TFAP2D: variants seen among roughly 807,000 people sequenced by gnomAD.
The protein encoded by TFAP2D is transcription factor AP-2-delta.
In TFAP2D, 9 loss-of-function variants were observed where a neutral mutation model predicts 43.6. That is an observed-to-expected ratio of 0.21 (90% confidence interval 0.12 to 0.36). The LOEUF is 0.36. Among genes scored for constraint, TFAP2D ranks in the 10% least tolerant of loss-of-function variants. The pLI is 1.00. For missense variants in TFAP2D, 513 were observed against 561.4 expected (o/e 0.91, Z 0.87); for synonymous variants, 256 against 224.9 (o/e 1.14, Z -1.24).
At chr6:50,754,630 C>A (rs149784704) in intron 7 of TFAP2D, among the ~76,000 whole-genome samples, 3 of 151,836 alleles carry the variant, frequency 2.0e-5, no homozygotes, top group Admixed American at 1.3e-4. Flanking sequence ...CAATAATGTA[C>A]GGGGTGTCTA....
rs185004850 is a variant in TFAP2D at position 50,735,707 on chromosome 6, T to G, written c.883+6395T>G. On this transcript the variant is annotated intron_variant, in intron 5 of 7. Coordinates refer to ENST00000008391, the MANE Select transcript of TFAP2D (RefSeq NM_172238.4). ...AGGCAGTAGAAAGAAATCCTACCAC[T>G]TGGTGGTATTTCCCTTCTACCTTTA... Among the ~76,000 whole-genome samples, 776 of 152,294 alleles carry G rather than the reference T, an allele frequency of 5.1e-3. 3 individuals carry two copies. Among genetic ancestry groups the G allele is most frequent in the African/African-American group, 0.018 (748 of 41,576 alleles).
At chr6:50,721,896 T>C (rs1333689613) in intron 3 of TFAP2D, among the ~76,000 whole-genome samples, 1 of 152,206 alleles carries the variant, frequency 6.6e-6, no homozygotes, top group African/African-American at 2.4e-5. Flanking sequence ...CCAAATGATG[T>C]TCTTGAAGAA....
chr6:50,749,063 A>C (rs1489540273), intron 6 of TFAP2D, among the ~76,000 whole-genome samples: 1 of 151,844 alleles, frequency 6.6e-6, no homozygotes, highest in Non-Finnish European at 1.5e-5. Context: ...TAAGTGCCAT[A>C]ATGAGATGAT....
chr6:50,748,587 C>T (rs183412854), intron 6 of TFAP2D, among the ~76,000 whole-genome samples: 1 of 151,832 alleles, frequency 6.6e-6, no homozygotes, highest in Admixed American at 6.6e-5. Flanking sequence ...ACCTTATTTC[C>T]AGTGTTTTGT....
chr6:50,761,754 T>C (rs866048368), intron 7 of TFAP2D, among the ~76,000 whole-genome samples: 1 of 152,116 alleles, frequency 6.6e-6, no homozygotes. Context: ...TTATCTAGCA[T>C]ACAATTAAGC....
At chr6:50,772,439 C>T (rs11967717) in intron 7 of TFAP2D, among the ~76,000 whole-genome samples, 70 of 152,164 alleles carry the variant, frequency 4.6e-4, no homozygotes, top group Non-Finnish European at 9.1e-4. Flanking sequence ...CTATTAACGA[C>T]AAGTCTTCCA....
At chr6:50,729,675 G>A (rs1032649368) in intron 5 of TFAP2D, among the ~76,000 whole-genome samples, 1 of 152,070 alleles carries the variant, frequency 6.6e-6, no homozygotes, top group Non-Finnish European at 1.5e-5. Flanking sequence ...TTGTAATTCA[G>A]TACAACATGA....
In TFAP2D at chr6:50,742,599, TA is replaced by T. The variant is rs891627339; in HGVS notation, c.884-2507del. On this transcript the variant is annotated intron_variant, in intron 5 of 7. Coordinates refer to ENST00000008391, the MANE Select transcript of TFAP2D (RefSeq NM_172238.4). ...ATAGATAGATAGATAGATAGATAGATAGATAGATAGATAGATAGATAGATAG... is the reference window on the plus strand; with the variant it reads ...ATAGATAGATAGATAGATAGATAGATGATAGATAGATAGATAGATAGATAG... Among the ~76,000 whole-genome samples the T allele has an allele frequency of 3.1e-3, 467 of 151,288 alleles. 3 individuals are homozygous for T. Among genetic ancestry groups the T allele is most frequent in the African/African-American group, 0.01 (423 of 41,304 alleles).
rs1327376048 is a variant in TFAP2D, at chr6:50,715,743, T to TCA, written c.537+131_537+132insAC. 2,135 of 675,036 alleles carry TCA rather than the reference T, an allele frequency of 3.2e-3. 3 individuals carry two copies. The highest frequency in any genetic ancestry group is 6.8e-3 in the African/African-American group (318 of 46,842). 41.8% of individuals were successfully genotyped at this position (675,036 alleles called of 1,614,324 possible). A position where few individuals can be genotyped will look rare whatever the true frequency, so the allele number is the denominator to read the frequency against. On this transcript the variant is annotated intron_variant, in intron 2 of 7. Transcript: ENST00000008391. ...TCTCCTCTCTCTCTCTCTCTCTCTC[T>TCA]CTCTCTCACACACACACACACACAC... is the stretch of plus-strand genomic sequence containing the variant.
At chr6:50,753,580 G>A (rs1212987355) in intron 7 of TFAP2D, among the ~76,000 whole-genome samples, 1 of 151,276 alleles carries the variant, frequency 6.6e-6, no homozygotes, top group Non-Finnish European at 1.5e-5. Flanking sequence ...TAAATATATG[G>A]TAAATGGCCA....
rs758146595 is a variant in TFAP2D, at chr6:50,729,318, AC to A, written c.883+7del. The A allele has an allele frequency of 1.2e-6, 2 of 1,610,916 alleles. No homozygotes were observed. The highest frequency in any genetic ancestry group is 3.4e-5 in the Admixed American group (2 of 59,574). ...CCTTACTTCCTTGGTTGAAGGTATG[AC>A]TTTTCAGTTTAGCAAAATAATGCTG... On this transcript the variant is annotated splice_region_variant and intron_variant, in intron 5 of 7. Coordinates refer to ENST00000008391, the MANE Select transcript of TFAP2D (RefSeq NM_172238.4).
intron 7 of TFAP2D, among the ~76,000 whole-genome samples, chr6:50,754,123 C>T (rs1275220351): frequency 1.3e-5 from 2 of 151,888 alleles, no homozygotes; most frequent in African/African-American, 4.8e-5. Flanking sequence ...TAAACAACTC[C>T]CATTCTTCTC....
At chr6:50,746,285 G>A (rs1227941673) in intron 6 of TFAP2D, among the ~76,000 whole-genome samples, 3 of 152,082 alleles carry the variant, frequency 2.0e-5, no homozygotes, top group African/African-American at 7.2e-5. Context: ...CACCCAGACT[G>A]GAGTACAGTG....
intron 5 of TFAP2D, among the ~76,000 whole-genome samples, chr6:50,731,291 C>A (rs1768889129): frequency 6.6e-6 from 1 of 152,016 alleles, no homozygotes; most frequent in Non-Finnish European, 1.5e-5. Flanking sequence ...TAATTGTGTG[C>A]TTTTGAAATC....
In TFAP2D at chr6:50,715,345, A is replaced by G; in HGVS notation, c.269A>G (p.Tyr90Cys). The part of the protein sequence containing the change: ...HSHPAVTPDA[Y>C]SLNSLHHSQQ... ...CACCCGGCCGTCACCCCCGACGCCT[A>G]CTCTCTGAACTCTCTCCACCACTCG... Residue 90 changes from tyrosine to cysteine, a missense_variant, in exon 2 of 8, where the codon TAC becomes TGC. Physicochemically the swap from Tyr to Cys is radical, Grantham distance 194 (BLOSUM62 -2). This residue lies in a region of TFAP2D where 311 missense variants were observed against 316.2 expected (regional missense o/e 0.98). Coordinates refer to ENST00000008391, the MANE Select transcript of TFAP2D (RefSeq NM_172238.4). The G allele has an allele frequency of 6.2e-7, 1 of 1,613,690 alleles. No individual in the cohort carries two copies. The highest frequency in any genetic ancestry group is 1.1e-5 in the South Asian group (1 of 91,040).
chr6:50,760,958 C>G (rs1330634676), intron 7 of TFAP2D, among the ~76,000 whole-genome samples: 1 of 150,536 alleles, frequency 6.6e-6, no homozygotes, highest in Non-Finnish European at 1.5e-5. Flanking sequence ...TATCTAGTAG[C>G]CACCTAACAC....
intron 7 of TFAP2D, among the ~76,000 whole-genome samples, chr6:50,770,118 G>A (rs745340202): frequency 2.0e-5 from 3 of 152,170 alleles, no homozygotes; most frequent in Non-Finnish European, 4.4e-5. Context: ...GACATTAATG[G>A]TTGGCTTTAC....
Position 50,744,412 on chromosome 6 carries a change from A to T in TFAP2D, c.884-695A>T, listed in dbSNP as rs748977600. Among the ~76,000 whole-genome samples, 18 of 151,332 alleles carry T rather than the reference A, an allele frequency of 1.2e-4. 1 individual carries two copies. The highest frequency in any genetic ancestry group is 1.1e-3 in the Admixed American group (17 of 15,186). On this transcript the variant is annotated intron_variant, in intron 5 of 7. Transcript: ENST00000008391. ...GCATAGTGTTCCATGGTATATATGT[A>T]CTACATTTGTTTAGAAAACTTGATT...
chr6:50,739,255 T>C (rs962989633), intron 5 of TFAP2D, among the ~76,000 whole-genome samples: 11 of 152,098 alleles, frequency 7.2e-5, no homozygotes, highest in African/African-American at 2.7e-4. Flanking sequence ...CAATGTGTGA[T>C]GTTCCCCACC....
Sources: gnomAD v4.1 joint callset for allele counts (sites outside exome capture counted in the v4.1 genomes callset) on GRCh38, gnomAD v4.1.1 for gene constraint, gnomAD v4.1.1 regional missense constraint, MANE v1.5 for transcripts, NCBI Gene and HGNC (gene_info 2026-07-23, HGNC 2026-07-21) for gene names.